The following ASB7 variants were observed in gnomAD, a reference collection of about 807,000 sequenced individuals.
ASB7 encodes the protein ankyrin repeat and SOCS box containing 7.
ASB7 carries 4 observed loss-of-function variants against 32.5 expected under a neutral mutation model. That is an observed-to-expected ratio of 0.12 (90% CI 0.06 to 0.28). The LOEUF (loss-of-function observed/expected upper bound fraction) is 0.28. Ranked by LOEUF, ASB7 falls within the 10% of genes least tolerant of loss-of-function variation. The probability of loss-of-function intolerance (pLI) is 1.00; values close to 1 mark genes in which losing one functional copy is unlikely to be tolerated. For missense variants in ASB7, 181 were observed against 407.1 expected (o/e 0.44, Z 4.78); for synonymous variants, 172 against 155.6 (o/e 1.11, Z -0.78).
chr15:100,645,969 C>T, intron 5 of ASB7: 1 of 527,234 alleles, frequency 1.9e-6, no homozygotes, highest in Non-Finnish European at 3.6e-6. Flanking sequence ...TTTTCTGTTT[C>T]TTTCTTGGTC....
chr15:100,638,863 C>T (rs1457864991), intron 5 of ASB7, among the ~76,000 whole-genome samples: 1 of 152,112 alleles, frequency 6.6e-6, no homozygotes, highest in African/African-American at 2.4e-5. Flanking sequence ...TCCCACAGGC[C>T]CTGGTGTATG....
At chr15:100,626,253 C>T (rs1218651581) in intron 4 of ASB7, among the ~76,000 whole-genome samples, 1 of 152,068 alleles carries the variant, frequency 6.6e-6, no homozygotes, top group Non-Finnish European at 1.5e-5. Context: ...AGGCTTGTAT[C>T]CAGAATATAC....
At chr15:100,633,893 A>C (rs1412974445) in intron 5 of ASB7, among the ~76,000 whole-genome samples, 1 of 152,170 alleles carries the variant, frequency 6.6e-6, no homozygotes, top group African/African-American at 2.4e-5. Context: ...TTGCACACAC[A>C]CCACTCCAGA....
At chr15:100,611,497 TGAGACAGA>T (rs2039695527) in intron 3 of ASB7, among the ~76,000 whole-genome samples, 9 of 141,532 alleles carry the variant, frequency 6.4e-5, no homozygotes, top group Non-Finnish European at 6.1e-5. Flanking sequence ...TTTTTTTTTT[TGAGACAGA>T]ATTTCACTCT....
chr15:100,614,804 T>C (rs1358359056), intron 4 of ASB7, among the ~76,000 whole-genome samples: 1 of 151,708 alleles, frequency 6.6e-6, no homozygotes, highest in Non-Finnish European at 1.5e-5. Context: ...TATGAATTTG[T>C]GTTAGGCTGT....
chr15:100,633,105 A>G (rs557973030), intron 5 of ASB7, among the ~76,000 whole-genome samples: 45 of 152,062 alleles, frequency 3.0e-4, no homozygotes, highest in African/African-American at 1.1e-3. Context: ...AAGAGGAGCC[A>G]TAGCACCTGC....
chr15:100,614,272 C>CA (rs36083050), intron 4 of ASB7, among the ~76,000 whole-genome samples: 1,872 of 88,362 alleles, frequency 0.021, 42 homozygotes, highest in African/African-American at 0.076. Flanking sequence ...AAACTCTGCT[C>CA]AAAAAAAAAA....
At chr15:100,628,795 A>T (rs987504569) in intron 4 of ASB7, among the ~76,000 whole-genome samples, 2 of 152,254 alleles carry the variant, frequency 1.3e-5, no homozygotes, top group African/African-American at 4.8e-5. Flanking sequence ...CACATAATGC[A>T]TTGCTTAATT....
At chr15:100,630,096 A>G in intron 5 of ASB7, 54 bp downstream of exon 5, 1 of 1,467,424 alleles carries the variant, frequency 6.8e-7, no homozygotes, top group Non-Finnish European at 9.0e-7. Context: ...GCATCTTCTG[A>G]GGAGCTTAAT....
chr15:100,611,024 A>C (rs539232437), intron 3 of ASB7, among the ~76,000 whole-genome samples: 2 of 152,160 alleles, frequency 1.3e-5, no homozygotes, highest in Non-Finnish European at 2.9e-5. Flanking sequence ...TACTGTTTCC[A>C]TGAAGGAGGT....
intron 2 of ASB7, among the ~76,000 whole-genome samples, chr15:100,606,920 C>T (rs574353651): frequency 6.6e-6 from 1 of 152,102 alleles, no homozygotes; most frequent in African/African-American, 2.4e-5. Flanking sequence ...TTTGGGAGGC[C>T]GAGGCGGGCG....
At chr15:100,632,046 C>T (rs999403017) in intron 5 of ASB7, among the ~76,000 whole-genome samples, 16 of 152,368 alleles carry the variant, frequency 1.1e-4, no homozygotes, top group Non-Finnish European at 2.2e-4. Flanking sequence ...ACGTGGGCGG[C>T]TGCCGTGTGT....
In ASB7 at chr15:100,648,364, C is replaced by A. The variant is rs1185391876; in HGVS notation, c.859C>A (p.Arg287=). ...NLQDLCRIKI[R]QCIGLQNLKL... is the part of the protein sequence containing the mutation. ...GCAGGACCTGTGCCGAATTAAAATTCGACAATGTATAGGCCTTCAAAACCT... is the reference window on the plus strand; with the variant it reads ...GCAGGACCTGTGCCGAATTAAAATTAGACAATGTATAGGCCTTCAAAACCT... Residue 287 remains arginine, a synonymous_variant, in exon 6 of 6, where the codon CGA becomes AGA. Coordinates refer to ENST00000332783, the MANE Select transcript of ASB7 (RefSeq NM_198243.3). 2 of 1,608,262 alleles carry A rather than the reference C, an allele frequency of 1.2e-6. No homozygotes were observed. The highest frequency in any genetic ancestry group is 1.7e-6 in the Non-Finnish European group (2 of 1,177,596).
chr15:100,612,254 A>T lies in ASB7; in HGVS notation c.38A>T (p.Gln13Leu). 2 of 1,614,150 alleles carry T rather than the reference A, an allele frequency of 1.2e-6. No individual in the cohort carries two copies. Among genetic ancestry groups the T allele is most frequent in the Non-Finnish European group, 8.5e-7 (1 of 1,179,990 alleles). ...CATTGTCGAAGGAACCCTGAGCTCCAGGAAGAGTTGCAGATTCAGGCCGCG... is the reference window on the plus strand; with the variant it reads ...CATTGTCGAAGGAACCCTGAGCTCCTGGAAGAGTTGCAGATTCAGGCCGCG... ...HHHCRRNPEL[Q>L]EELQIQAAVA... The change falls in exon 4 of 6, where the codon CAG becomes CTG. Residue 13 changes from glutamine to leucine, a missense_variant. Coordinates refer to ENST00000332783, the MANE Select transcript of ASB7 (RefSeq NM_198243.3).
At chr15:100,635,266 A>T (rs181999123) in intron 5 of ASB7, among the ~76,000 whole-genome samples, 59 of 152,346 alleles carry the variant, frequency 3.9e-4, no homozygotes, top group African/African-American at 1.3e-3. Context: ...TAATTTCATT[A>T]ATCTTAATAA....
chr15:100,625,343 A>G (rs1002138874), intron 4 of ASB7, among the ~76,000 whole-genome samples: 12 of 152,324 alleles, frequency 7.9e-5, no homozygotes, highest in African/African-American at 2.6e-4. Context: ...AAAACTACAA[A>G]TGTGTTCTAG....
chr15:100,612,459 A>G (rs1007075240), intron 4 of ASB7, 32 bp downstream of exon 4: 2 of 1,539,424 alleles, frequency 1.3e-6, no homozygotes, highest in East Asian at 2.2e-5. Context: ...CTTTTTCCCC[A>G]TGGAGAAACA....
rs550288795 is a variant in ASB7 at position 100,602,817 on chromosome 15, G to C, written c.-502G>C. On this transcript the variant is annotated 5_prime_UTR_variant, in exon 1 of 6. Coordinates refer to ENST00000332783, the MANE Select transcript of ASB7 (RefSeq NM_198243.3). ...CGGGACTGCCCCCCCACCCGAGCCAGGACTTCCTCCCTGCCTCCCTGCACC... is the reference window on the plus strand; with the variant it reads ...CGGGACTGCCCCCCCACCCGAGCCACGACTTCCTCCCTGCCTCCCTGCACC... 389 of 389,886 alleles carry C rather than the reference G, an allele frequency of 1.0e-3. 1 individual carries two copies. Among genetic ancestry groups the C allele is most frequent in the South Asian group, 1.7e-3 (12 of 6,928 alleles). The allele number at this position is 389,886 out of a possible 1,614,324, so 24.2% of individuals were successfully genotyped here.
chr15:100,606,472 AAGGTTTTGTAACTTCGGAC>A (rs1223996944), intron 2 of ASB7, among the ~76,000 whole-genome samples: 3 of 152,158 alleles, frequency 2.0e-5, no homozygotes, highest in Non-Finnish European at 4.4e-5. Context: ...AAATTTGGTG[AAGGTTTTGTAACTTCGGAC>A]AGGTCTTAAG....
Sources: allele counts gnomAD v4.1 joint callset (sites outside exome capture counted in the v4.1 genomes callset), GRCh38; gene constraint gnomAD v4.1.1; transcripts MANE v1.5; gene names NCBI Gene and HGNC (gene_info 2026-07-23, HGNC 2026-07-21).